Variants in SGCD observed in about 807,000 individuals in gnomAD.
SGCD encodes the protein sarcoglycan delta.
A neutral mutation model predicts 36.6 loss-of-function variants in SGCD; 18 were observed. That is an observed-to-expected ratio of 0.49 (90% CI 0.34 to 0.73). The LOEUF (loss-of-function observed/expected upper bound fraction) is 0.73, where lower values mean the gene tolerates loss of function less well. SGCD is among the 30% of genes least tolerant of loss of function. The pLI is 0.01. For synonymous variants in SGCD, 133 were observed against 130.6 expected (o/e 1.02, Z -0.12); for missense variants, 387 against 346.7 (o/e 1.12, Z -0.92).
chr5:156,634,388 C>T (rs1247585896), intron 6 of SGCD, among the ~76,000 whole-genome samples: 8 of 152,154 alleles, frequency 5.3e-5, no homozygotes, highest in Admixed American at 5.2e-4. Context: ...CCAACCTGCA[C>T]ATCCTTGCAC....
At chr5:156,552,956 A>G (rs900523088) in intron 4 of SGCD, among the ~76,000 whole-genome samples, 16 of 152,162 alleles carry the variant, frequency 1.1e-4, no homozygotes, top group Admixed American at 9.2e-4. Context: ...TAATTTATGA[A>G]GAAAAAAAGG....
At chr5:156,616,013 A>G (rs1473887309) in intron 6 of SGCD, among the ~76,000 whole-genome samples, 1 of 152,194 alleles carries the variant, frequency 6.6e-6, no homozygotes, top group Non-Finnish European at 1.5e-5. Flanking sequence ...GGGAGAGGCA[A>G]GGAAATTTAT....
chr5:156,327,728 A>G (rs1767875488), intron 1 of SGCD, among the ~76,000 whole-genome samples: 1 of 152,202 alleles, frequency 6.6e-6, no homozygotes, highest in African/African-American at 2.4e-5. Context: ...GTTGGATGAC[A>G]CTTTCAGAGT....
At chr5:156,273,540 T>C (rs1382017455) in intron 3 of SGCD, among the ~76,000 whole-genome samples, 1 of 152,216 alleles carries the variant, frequency 6.6e-6, no homozygotes, top group Non-Finnish European at 1.5e-5. Context: ...AACTCTATGA[T>C]GGGCTCTTTC....
At chr5:156,424,959 A>T (rs1185193156) in intron 3 of SGCD, among the ~76,000 whole-genome samples, 3 of 152,058 alleles carry the variant, frequency 2.0e-5, no homozygotes, top group African/African-American at 7.2e-5. Context: ...TGTGCCTGGG[A>T]TATACCAAAA....
At chr5:155,904,652 G>A (rs1271181872) in intron 1 of SGCD, among the ~76,000 whole-genome samples, 1 of 152,142 alleles carries the variant, frequency 6.6e-6, no homozygotes, top group Non-Finnish European at 1.5e-5. Flanking sequence ...TCTGCTGAGG[G>A]AGAGATAGAC....
chr5:155,768,878 C>T, the SGCD span, among the ~76,000 whole-genome samples: 2 of 152,124 alleles, frequency 1.3e-5, no homozygotes, highest in African/African-American at 4.8e-5. Context: ...TCCTGGATTG[C>T]TCTCTGGAAA....
In SGCD at chr5:156,757,781, G is replaced by T; in HGVS notation, c.699+77G>T. On this transcript the variant is annotated intron_variant, in intron 8 of 8. Transcript: ENST00000337851. ...ACCCTTCCCATAACTGGTTGACCTC[G>T]GAGTTGGATCCTACAGTGTATCAAC... is the stretch of plus-strand genomic sequence containing the variant. The T allele has an allele frequency of 2.6e-6, 4 of 1,537,048 alleles. No individual in the cohort carries two copies. In the South Asian group the frequency reaches 5.1e-5, roughly 19 times the overall value.
chr5:155,966,976 TG>T (rs889723492), intron 1 of SGCD, among the ~76,000 whole-genome samples: 1 of 149,960 alleles, frequency 6.7e-6, no homozygotes, highest in Non-Finnish European at 1.5e-5. Flanking sequence ...TGTATGTGTA[TG>T]TGTGTATATG....
At chr5:156,579,006 G>T (rs1439518310) in intron 4 of SGCD, among the ~76,000 whole-genome samples, 1 of 151,982 alleles carries the variant, frequency 6.6e-6, no homozygotes, top group Non-Finnish European at 1.5e-5. Context: ...GTGGTGTTAG[G>T]GTGTCGATTT....
intron 3 of SGCD, among the ~76,000 whole-genome samples, chr5:156,457,283 T>G (rs1228138162): frequency 6.6e-6 from 1 of 152,204 alleles, no homozygotes; most frequent in Non-Finnish European, 1.5e-5. Context: ...TTGCTATGCC[T>G]TTGATCCTCT....
At chr5:156,281,411 G>A (rs1015857290) in intron 3 of SGCD, among the ~76,000 whole-genome samples, 1 of 152,196 alleles carries the variant, frequency 6.6e-6, no homozygotes, top group Non-Finnish European at 1.5e-5. Context: ...GGCACTGTTA[G>A]CAGGGTCGAT....
intron 3 of SGCD, among the ~76,000 whole-genome samples, chr5:156,375,743 G>A (rs1770629957): frequency 6.6e-6 from 1 of 152,132 alleles, no homozygotes; most frequent in South Asian, 2.1e-4. Flanking sequence ...ATGTATTTAT[G>A]CCATAAGGAG....
intron 1 of SGCD, among the ~76,000 whole-genome samples, chr5:155,938,231 GC>G (rs1378832809): frequency 1.3e-5 from 2 of 152,168 alleles, no homozygotes; most frequent in African/African-American, 4.8e-5. Flanking sequence ...TTTGATGGCA[GC>G]CCTGCCACCT....
the SGCD span, among the ~76,000 whole-genome samples, chr5:155,787,215 A>G: frequency 6.6e-6 from 1 of 152,120 alleles, no homozygotes; most frequent in Non-Finnish European, 1.5e-5. Context: ...AGAACATGAC[A>G]ATTGGGTGAG....
intron 3 of SGCD, among the ~76,000 whole-genome samples, chr5:156,351,573 C>G (rs1769256230): frequency 1.3e-5 from 2 of 151,392 alleles, no homozygotes; most frequent in Admixed American, 1.3e-4. Context: ...ACATAGTAAA[C>G]ACTTTATAGA....
intron 7 of SGCD, among the ~76,000 whole-genome samples, chr5:156,677,893 C>G (rs573645755): frequency 6.6e-6 from 1 of 152,248 alleles, no homozygotes; most frequent in Admixed American, 6.5e-5. Flanking sequence ...CTAGAAATAG[C>G]CAGAAAGAGT....
At chr5:156,386,589 T>C (rs1030506972) in intron 3 of SGCD, among the ~76,000 whole-genome samples, 6 of 152,262 alleles carry the variant, frequency 3.9e-5, no homozygotes, top group Non-Finnish European at 8.8e-5. Flanking sequence ...AGGGTGCTAA[T>C]AGTCCCTTGC....
At chr5:156,265,631 T>C (rs547747353) in intron 3 of SGCD, among the ~76,000 whole-genome samples, 3 of 150,904 alleles carry the variant, frequency 2.0e-5, no homozygotes, top group African/African-American at 4.8e-5. Flanking sequence ...AATTTAATAA[T>C]ATATTGTTAA....
Sources: allele counts gnomAD v4.1 joint callset (sites outside exome capture counted in the v4.1 genomes callset), GRCh38; gene constraint gnomAD v4.1.1; transcripts MANE v1.5; gene names NCBI Gene and HGNC (gene_info 2026-07-23, HGNC 2026-07-21).